FNIP1: variants seen among roughly 807,000 people sequenced by gnomAD.
The protein encoded by FNIP1 is folliculin-interacting protein 1.
Under a neutral mutation model 124.5 loss-of-function variants are expected in FNIP1, and 40 were observed. The observed-to-expected ratio is 0.32, with a 90% confidence interval of 0.25 to 0.42. The LOEUF is 0.42. Ranked by LOEUF, FNIP1 falls within the 10% of genes least tolerant of loss-of-function variation. The probability of loss-of-function intolerance (pLI) is 1.00; values close to 1 mark genes in which losing one functional copy is unlikely to be tolerated. For synonymous variants in FNIP1, 472 were observed against 470.6 expected (o/e 1.00, Z -0.04); for missense variants, 1,176 against 1,403.7 (o/e 0.84, Z 2.59).
At chr5:131,758,737 C>T (rs950628427) in intron 1 of FNIP1, among the ~76,000 whole-genome samples, 3 of 152,148 alleles carry the variant, frequency 2.0e-5, no homozygotes, top group Non-Finnish European at 4.4e-5. Flanking sequence ...GGAATAGACA[C>T]TTTCCTTTAC....
intron 1 of FNIP1, among the ~76,000 whole-genome samples, chr5:131,788,424 T>C (rs969667924): frequency 1.3e-5 from 2 of 152,156 alleles, no homozygotes; most frequent in African/African-American, 2.4e-5. Context: ...ATCCCAGCAC[T>C]GTGGGAGGCC....
At chr5:131,701,325 A>G (rs1768894716) in intron 10 of FNIP1, among the ~76,000 whole-genome samples, 1 of 152,218 alleles carries the variant, frequency 6.6e-6, no homozygotes, top group South Asian at 2.1e-4. Context: ...TCAAAGCGTT[A>G]AAACATGAAA....
rs76170440 is a variant in FNIP1, at chr5:131,760,679, C to T, written c.93-15989G>A. ...TTGTTCTTTCCTGAGCCTTATCCAT[C>T]ATTGTTATTTCTCACTGAAAACACG... is the stretch of plus-strand genomic sequence containing the variant. On this transcript the variant is annotated intron_variant, in intron 1 of 17. Coordinates refer to ENST00000510461, the MANE Select transcript of FNIP1 (RefSeq NM_133372.3). Among the ~76,000 whole-genome samples, 691 of 152,238 alleles carry T rather than the reference C, an allele frequency of 4.5e-3. 6 individuals are homozygous for T. Among genetic ancestry groups the T allele is most frequent in the African/African-American group, 0.016 (652 of 41,548 alleles).
intron 1 of FNIP1, among the ~76,000 whole-genome samples, chr5:131,765,611 G>A (rs769936783): frequency 1.9e-4 from 29 of 152,160 alleles, no homozygotes; most frequent in Non-Finnish European, 2.8e-4. Context: ...TTTAATCTGC[G>A]TGTAAATATC....
At chr5:131,737,891 G>A (rs1219070180) in intron 2 of FNIP1, among the ~76,000 whole-genome samples, 10 of 152,108 alleles carry the variant, frequency 6.6e-5, no homozygotes, top group African/African-American at 1.7e-4. Flanking sequence ...GCTTAACAGC[G>A]GTTGCCAACC....
At chr5:131,723,830 G>C (rs1769756366) in intron 3 of FNIP1, among the ~76,000 whole-genome samples, 2 of 152,008 alleles carry the variant, frequency 1.3e-5, no homozygotes, top group Admixed American at 6.6e-5. Context: ...ATCTACATTA[G>C]GTATTTTTCC....
intron 13 of FNIP1, among the ~76,000 whole-genome samples, chr5:131,676,746 T>C (rs752142538): frequency 6.6e-6 from 1 of 151,736 alleles, no homozygotes; most frequent in Non-Finnish European, 1.5e-5. Flanking sequence ...GGCAAAAGAG[T>C]GAGACTTCAT....
chr5:131,748,466 G>A (rs973444799), intron 1 of FNIP1, among the ~76,000 whole-genome samples: 1 of 152,026 alleles, frequency 6.6e-6, no homozygotes, highest in Non-Finnish European at 1.5e-5. Flanking sequence ...GGCTGAGGTG[G>A]GCAGATCACA....
chr5:131,781,448 G>A, intron 1 of FNIP1, among the ~76,000 whole-genome samples: 1 of 152,204 alleles, frequency 6.6e-6, no homozygotes, highest in East Asian at 1.9e-4. Flanking sequence ...AGGACAGGCT[G>A]ACTCTCCTGT....
At chr5:131,791,284 T>C (rs1479550981) in intron 1 of FNIP1, among the ~76,000 whole-genome samples, 1 of 152,096 alleles carries the variant, frequency 6.6e-6, no homozygotes, top group Non-Finnish European at 1.5e-5. Context: ...AACAAAATAA[T>C]GAATTCAGGC....
At chr5:131,741,917 C>T (rs1293210800) in intron 2 of FNIP1, among the ~76,000 whole-genome samples, 1 of 152,182 alleles carries the variant, frequency 6.6e-6, no homozygotes, top group African/African-American at 2.4e-5. Flanking sequence ...CAGATTCAGG[C>T]TGATAACAAA....
At chr5:131,744,089 G>T (rs2149560395) in intron 2 of FNIP1, among the ~76,000 whole-genome samples, 1 of 150,834 alleles carries the variant, frequency 6.6e-6, no homozygotes, top group South Asian at 2.1e-4. Context: ...ACATAAAAGA[G>T]AAAAGCTGAA....
chr5:131,660,004 G>A (rs934816388), intron 15 of FNIP1, among the ~76,000 whole-genome samples: 2 of 152,180 alleles, frequency 1.3e-5, no homozygotes, highest in Admixed American at 6.5e-5. Context: ...CTGGTGCCTC[G>A]GGTGCCCCAT....
rs34867527 is a variant in FNIP1, at chr5:131,784,008, C to CAA, written c.92+12820_92+12821dup. Among the ~76,000 whole-genome samples the CAA allele has an allele frequency of 1.8e-3, 254 of 140,038 alleles. 1 individual carries two copies. The highest frequency in any genetic ancestry group is 6.3e-3 in the East Asian group (30 of 4,798). The allele number at this position is 140,038 out of a possible 152,430, so 91.9% of individuals were successfully genotyped here. A position where few individuals can be genotyped will look rare whatever the true frequency, so the allele number is the denominator to read the frequency against. ...CAGTCAATGGGTAATCTGCCCCCAA[C>CAA]AAAAAAAAAAAAAGAAGGAAAAACA... On this transcript the variant is annotated intron_variant, in intron 1 of 17. Transcript: ENST00000510461.
rs999030794 is a variant in FNIP1, at chr5:131,648,221, C to T, written c.3307-1016G>A. ...AATTAGCCGAGCATGGTGGCACGTG[C>T]CTGTAGTCTTAGCTACTTGAGCCCA... On this transcript the variant is annotated intron_variant, in intron 16 of 17. Transcript: ENST00000510461. Among the ~76,000 whole-genome samples the T allele has an allele frequency of 2.0e-5, 3 of 148,862 alleles. No homozygotes were observed. The South Asian group carries it at 6.5e-4, about 32-fold the overall frequency.
chr5:131,794,579 T>C (rs1368671091), intron 1 of FNIP1, among the ~76,000 whole-genome samples: 1 of 152,184 alleles, frequency 6.6e-6, no homozygotes, highest in Non-Finnish European at 1.5e-5. Context: ...GTCCTCCAAC[T>C]AGTGGCTGAA....
chr5:131,684,396 A>C (rs1862406), intron 11 of FNIP1, among the ~76,000 whole-genome samples: 15,572 of 152,260 alleles, frequency 0.1, 1,861 homozygotes, highest in African/African-American at 0.29. Flanking sequence ...GGTGAATATC[A>C]ATTGTATATG....
intron 11 of FNIP1, among the ~76,000 whole-genome samples, chr5:131,687,253 G>C (rs192084485): frequency 5.3e-5 from 8 of 151,974 alleles, no homozygotes; most frequent in Admixed American, 2.6e-4. Flanking sequence ...TTACAGGCAT[G>C]CACCACCAAT....
At chr5:131,787,277 T>C (rs1772247905) in intron 1 of FNIP1, among the ~76,000 whole-genome samples, 5 of 152,160 alleles carry the variant, frequency 3.3e-5, no homozygotes. Context: ...CAGAGTGGTA[T>C]GAGATAACAG....
Sources: gnomAD v4.1 joint callset for allele counts (sites outside exome capture counted in the v4.1 genomes callset) on GRCh38, gnomAD v4.1.1 for gene constraint, MANE v1.5 for transcripts, NCBI Gene and HGNC (gene_info 2026-07-23, HGNC 2026-07-21) for gene names.